Variants in BARD1 observed in about 807,000 individuals in gnomAD.
BARD1 encodes BRCA1 associated RING domain 1.
In BARD1, 73 loss-of-function variants were observed where a neutral mutation model predicts 77.0. The observed-to-expected ratio is 0.95, with a 90% CI of 0.79 to 1.15. The LOEUF is 1.15. BARD1 is among the 50% of genes most tolerant of loss of function. BARD1 has a pLI of 0.00. For missense variants in BARD1, 993 were observed against 938.8 expected (o/e 1.06, Z -0.75); for synonymous variants, 384 against 338.0 (o/e 1.14, Z -1.49).
intron 4 of BARD1, among the ~76,000 whole-genome samples, chr2:214,770,135 G>GTTGC (rs1694411236): frequency 6.6e-6 from 1 of 152,120 alleles, no homozygotes; most frequent in Non-Finnish European, 1.5e-5. Flanking sequence ...GGAAGCAACA[G>GTTGC]TTGCTCTGTT....
chr2:214,778,230 TATATAA>T (rs1694822237), intron 4 of BARD1, among the ~76,000 whole-genome samples: 1 of 121,142 alleles, frequency 8.3e-6, no homozygotes, highest in South Asian at 2.7e-4. Flanking sequence ...AAGAAAAAAA[TATATAA>T]ATATATTTAT....
At chr2:214,740,820 A>AT (rs1007329378) in intron 9 of BARD1, among the ~76,000 whole-genome samples, 3 of 151,064 alleles carry the variant, frequency 2.0e-5, no homozygotes, top group East Asian at 1.9e-4. Flanking sequence ...AAAGGATGTT[A>AT]TTTTTTTTTA....
At chr2:214,760,440 G>A (rs545488418) in intron 6 of BARD1, among the ~76,000 whole-genome samples, 45 of 152,176 alleles carry the variant, frequency 3.0e-4, no homozygotes, top group African/African-American at 1.0e-3. Context: ...TGATCCACCC[G>A]CCTCGGCCTC....
intron 1 of BARD1, among the ~76,000 whole-genome samples, chr2:214,806,876 G>GAAAAA (rs10636746): frequency 0.071 from 9,468 of 133,358 alleles, 454 homozygotes; most frequent in African/African-American, 0.11. Flanking sequence ...TTTGCCTAGG[G>GAAAAA]AAAAAAAAAA....
At position 214,728,706 on chromosome 2, in the gene BARD1, C is replaced by CG; in HGVS notation, c.2303_2304insC (p.Met768IlefsTer4). Reference sequence around the variant, plus strand: ...TGTCAAGAGGAAGCAACTCAAAGGACATCACACAGTCTATAAACCAGCTCG... The same window carrying CG: ...TGTCAAGAGGAAGCAACTCAAAGGACGATCACACAGTCTATAAACCAGCTCG... On this transcript the variant is annotated frameshift_variant, in exon 11 of 11. Transcript: ENST00000260947. LOFTEE classifies it high-confidence loss of function. The CG allele has an allele frequency of 6.2e-7, 1 of 1,614,184 alleles. No homozygotes were observed. Among genetic ancestry groups the CG allele is most frequent in the East Asian group, 2.2e-5 (1 of 44,890 alleles).
At chr2:214,771,677 G>C (rs1694497711) in intron 4 of BARD1, among the ~76,000 whole-genome samples, 1 of 151,360 alleles carries the variant, frequency 6.6e-6, no homozygotes, top group Non-Finnish European at 1.5e-5. Context: ...GCAGTGAGTT[G>C]AGATCACACC....
Position 214,769,289 on chromosome 2 carries a change from G to A in BARD1, c.1338C>T (p.Tyr446=), listed in dbSNP as rs761702998. The A allele has an allele frequency of 1.2e-6, 2 of 1,613,468 alleles. No homozygotes were observed. The highest frequency in any genetic ancestry group is 1.7e-6 in the Non-Finnish European group (2 of 1,179,454). The part of the protein sequence containing the change: ...SIKGDIPSVE[Y]LLQNGSDPNV... ...TTGGATCACTTCCATTTTGTAAAAG[G>A]TATTCAACAGAAGGTATGTCGCCCT... Residue 446 remains tyrosine (Y), a synonymous_variant, in exon 5 of 11, where the codon TAC becomes TAT. Transcript: ENST00000260947.
intron 3 of BARD1, among the ~76,000 whole-genome samples, chr2:214,785,816 A>G (rs1348235319): frequency 6.6e-6 from 1 of 152,034 alleles, no homozygotes; most frequent in Non-Finnish European, 1.5e-5. Context: ...TAATTAACAA[A>G]TGATTTCATG....
At chr2:214,749,864 A>G (rs2106030526) in intron 7 of BARD1, among the ~76,000 whole-genome samples, 1 of 152,098 alleles carries the variant, frequency 6.6e-6, no homozygotes, top group South Asian at 2.1e-4. Context: ...GTAAAGTGAG[A>G]AAATTAAACT....
intron 3 of BARD1, among the ~76,000 whole-genome samples, chr2:214,788,165 C>T (rs1315063572): frequency 1.3e-5 from 2 of 149,942 alleles, no homozygotes; most frequent in African/African-American, 4.9e-5. Flanking sequence ...AATTGTAATA[C>T]TATAAAAGCA....
intron 7 of BARD1, among the ~76,000 whole-genome samples, chr2:214,747,473 T>C (rs1363549898): frequency 3.3e-5 from 5 of 150,538 alleles, no homozygotes; most frequent in African/African-American, 9.8e-5. Context: ...CCAACAACGA[T>C]AGACTGGATT....
At chr2:214,777,386 G>A (rs1694780585) in intron 4 of BARD1, among the ~76,000 whole-genome samples, 1 of 152,164 alleles carries the variant, frequency 6.6e-6, no homozygotes, top group Non-Finnish European at 1.5e-5. Flanking sequence ...AGCCCTACCT[G>A]CAGTGGGGGA....
chr2:214,781,516 G>C lies in BARD1; in HGVS notation c.365-7C>G, dbSNP rs745929983. The C allele has an allele frequency of 6.3e-7, 1 of 1,596,956 alleles. No individual in the cohort carries two copies. The highest frequency in any genetic ancestry group is 8.5e-7 in the Non-Finnish European group (1 of 1,170,822). ...GGTTTATCTTCTTTCAAATCTGACA[G>C]AAAAAAAGAAAAAGAAATCTGTTAC... On this transcript the variant is annotated splice_polypyrimidine_tract_variant and splice_region_variant and intron_variant, in intron 3 of 10. Transcript: ENST00000260947.
chr2:214,735,721 C>G (rs1692540143), intron 9 of BARD1, among the ~76,000 whole-genome samples: 1 of 152,080 alleles, frequency 6.6e-6, no homozygotes, highest in South Asian at 2.1e-4. Flanking sequence ...ATTATCTTAG[C>G]ATGATGTGAA....
intron 5 of BARD1, among the ~76,000 whole-genome samples, chr2:214,768,715 G>A (rs144587572): frequency 3.1e-4 from 47 of 152,294 alleles, no homozygotes; most frequent in African/African-American, 1.1e-3. Context: ...TCCAGATTAT[G>A]CTTCACACTT....
At chr2:214,807,478 T>G (rs906406500) in intron 1 of BARD1, among the ~76,000 whole-genome samples, 10 of 152,232 alleles carry the variant, frequency 6.6e-5, no homozygotes, top group Admixed American at 1.3e-4. Context: ...CACATTCTTT[T>G]AGATTAAGAC....
intron 4 of BARD1, 103 bp downstream of exon 4, chr2:214,780,457 G>T: frequency 1.1e-6 from 1 of 929,146 alleles, no homozygotes. Context: ...GTCTGTGAAA[G>T]GTTAATTATC....
chr2:214,738,419 G>A (rs2106004597), intron 9 of BARD1, among the ~76,000 whole-genome samples: 1 of 152,214 alleles, frequency 6.6e-6, no homozygotes, highest in South Asian at 2.1e-4. Flanking sequence ...GCATAATAAT[G>A]ACGCTTATGA....
At chr2:214,732,690 T>C (rs78127734) in intron 9 of BARD1, among the ~76,000 whole-genome samples, 10,115 of 152,226 alleles carry the variant, frequency 0.066, 472 homozygotes, top group African/African-American at 0.13. Flanking sequence ...CCACCACACC[T>C]TGCTGACCTA....
Sources: allele counts gnomAD v4.1 joint callset (sites outside exome capture counted in the v4.1 genomes callset), GRCh38; gene constraint gnomAD v4.1.1; transcripts MANE v1.5; gene names NCBI Gene and HGNC (gene_info 2026-07-23, HGNC 2026-07-21).